EBF2: variants seen among roughly 807,000 people sequenced by gnomAD.
EBF2 encodes the protein EBF transcription factor 2.
Under a neutral mutation model 72.8 loss-of-function variants are expected in EBF2, and 21 were observed. The ratio of observed to expected loss-of-function variants is 0.29; its 90% CI spans 0.20 to 0.42. The LOEUF (loss-of-function observed/expected upper bound fraction) is 0.42, where lower values mean the gene tolerates loss of function less well. Ranked by LOEUF, EBF2 falls within the 10% of genes least tolerant of loss-of-function variation. EBF2 has a pLI of 1.00. For synonymous variants in EBF2, 299 were observed against 274.2 expected (o/e 1.09, Z -0.89); for missense variants, 637 against 731.2 (o/e 0.87, Z 1.49).
Position 26,044,995 on chromosome 8 carries a change from T to TAA in EBF2, c.-137_-136insTT. 1.1e-6 allele frequency: 1 copy of TAA among 906,000 alleles called. No homozygotes were observed. The highest frequency in any genetic ancestry group is 1.6e-6 in the Non-Finnish European group (1 of 622,812). The allele number at this position is 906,000 out of a possible 1,614,324, so 56.1% of individuals were successfully genotyped here. A position where few individuals can be genotyped will look rare whatever the true frequency, so the allele number is the denominator to read the frequency against. ...GGATCAAGTGCCCAAGTTTGAGTCT[T>TAA]AGAAAAAAAAAAAAGATAACCCGTC... On this transcript the variant is annotated 5_prime_UTR_variant, in exon 1 of 16. Transcript: ENST00000520164. The surrounding 1 kb of genome is among the most constrained non-coding windows in gnomAD (Gnocchi z 4.1).
At chr8:25,939,607 T>C (rs1401786869) in intron 6 of EBF2, among the ~76,000 whole-genome samples, 2 of 152,264 alleles carry the variant, frequency 1.3e-5, no homozygotes, top group African/African-American at 2.4e-5. Flanking sequence ...GTTCAGAGAC[T>C]ATTTCTGTGT....
rs141311815 is a variant in EBF2 at position 25,994,860 on chromosome 8, A to G, written c.551+38225T>C. 9.5e-4 allele frequency among the ~76,000 whole-genome samples: 144 copies of G among 152,322 alleles called. 1 individual carries two copies. The highest frequency in any genetic ancestry group is 3.3e-3 in the African/African-American group (137 of 41,572). On this transcript the variant is annotated intron_variant, in intron 6 of 15. Coordinates refer to ENST00000520164, the MANE Select transcript of EBF2 (RefSeq NM_022659.4). ...ACCTGGATGACAGAATAATTTATACACCAAACCCCAGCAATATGCAATTTA... is the reference window on the plus strand; with the variant it reads ...ACCTGGATGACAGAATAATTTATACGCCAAACCCCAGCAATATGCAATTTA...
At chr8:26,022,810 G>T (rs1445044520) in intron 6 of EBF2, among the ~76,000 whole-genome samples, 1 of 152,178 alleles carries the variant, frequency 6.6e-6, no homozygotes, top group African/African-American at 2.4e-5. Context: ...AGTCTAGACT[G>T]ATGAAATGCT....
intron 6 of EBF2, among the ~76,000 whole-genome samples, chr8:26,016,183 C>T (rs538509762): frequency 9.9e-5 from 15 of 152,176 alleles, no homozygotes; most frequent in Middle Eastern, 3.2e-3. Flanking sequence ...TGATTTTTCT[C>T]ACTCCACTTC....
At chr8:25,988,052 C>T (rs557985635) in intron 6 of EBF2, among the ~76,000 whole-genome samples, 1 of 152,224 alleles carries the variant, frequency 6.6e-6, no homozygotes, top group Admixed American at 6.5e-5. Flanking sequence ...GACCTAATTC[C>T]TCAGGATTGC....
At chr8:25,856,560 G>A (rs1305041173) in intron 14 of EBF2, among the ~76,000 whole-genome samples, 8 of 152,196 alleles carry the variant, frequency 5.3e-5, no homozygotes, top group Non-Finnish European at 1.2e-4. Context: ...GACTCTAGAT[G>A]TCAACATGCT....
intron 6 of EBF2, among the ~76,000 whole-genome samples, chr8:25,980,918 C>T (rs1804352303): frequency 2.0e-5 from 3 of 149,334 alleles, no homozygotes; most frequent in Admixed American, 6.7e-5. Flanking sequence ...CCCTTCACCC[C>T]TGGAGTAACT....
chr8:25,852,118 A>AAAAG (rs1253140042), intron 14 of EBF2, among the ~76,000 whole-genome samples: 2 of 152,190 alleles, frequency 1.3e-5, no homozygotes, highest in East Asian at 1.9e-4. Flanking sequence ...TATATGGATA[A>AAAAG]AAAGAAAAAA....
intron 10 of EBF2, among the ~76,000 whole-genome samples, chr8:25,881,506 T>C (rs772331735): frequency 2.6e-5 from 4 of 152,058 alleles, no homozygotes; most frequent in Non-Finnish European, 5.9e-5. Context: ...TTTAAGTCAG[T>C]CTCCATACTG....
At chr8:25,996,106 G>T (rs530739345) in intron 6 of EBF2, among the ~76,000 whole-genome samples, 1 of 152,158 alleles carries the variant, frequency 6.6e-6, no homozygotes, top group African/African-American at 2.4e-5. Flanking sequence ...TTCGAGACCA[G>T]TTTGGGCAAC....
chr8:25,933,087 C>T (rs772898589), intron 6 of EBF2, among the ~76,000 whole-genome samples: 1 of 152,166 alleles, frequency 6.6e-6, no homozygotes, highest in Non-Finnish European at 1.5e-5. Context: ...TTTGTTTTCT[C>T]CCCCTTCCAA....
chr8:25,946,581 A>C (rs541314995), intron 6 of EBF2, among the ~76,000 whole-genome samples: 4 of 152,164 alleles, frequency 2.6e-5, no homozygotes, highest in Non-Finnish European at 5.9e-5. Context: ...CCATTACCCA[A>C]ACCAGCTCCT....
At chr8:26,040,911 G>A (rs766951777) in intron 3 of EBF2, 28 bp downstream of exon 3, 12 of 1,613,804 alleles carry the variant, frequency 7.4e-6, no homozygotes, top group African/African-American at 1.3e-5. Flanking sequence ...GCTAGGCGCC[G>A]GCTCACCGTT....
At chr8:26,038,341 T>A (rs1439517354) in intron 5 of EBF2, among the ~76,000 whole-genome samples, 9 of 152,226 alleles carry the variant, frequency 5.9e-5, no homozygotes, top group Admixed American at 5.9e-4. Context: ...TATATTGTGT[T>A]ACTAATGCAG....
chr8:25,881,389 C>T (rs1802603508), intron 10 of EBF2, among the ~76,000 whole-genome samples: 1 of 152,204 alleles, frequency 6.6e-6, no homozygotes, highest in Non-Finnish European at 1.5e-5. Flanking sequence ...TTTGTCTATT[C>T]TAAATCCTCC....
intron 6 of EBF2, among the ~76,000 whole-genome samples, chr8:25,972,449 C>T (rs1300528608): frequency 6.6e-6 from 1 of 152,018 alleles, no homozygotes; most frequent in Non-Finnish European, 1.5e-5. Flanking sequence ...ATGACCCTCC[C>T]CTGTCATCAG....
chr8:25,982,182 C>T (rs1332781235), intron 6 of EBF2, among the ~76,000 whole-genome samples: 1 of 152,204 alleles, frequency 6.6e-6, no homozygotes, highest in African/African-American at 2.4e-5. Context: ...GCTTCAAAAA[C>T]AGTTGAAGTT....
At chr8:25,945,653 G>A (rs1803757276) in intron 6 of EBF2, among the ~76,000 whole-genome samples, 1 of 151,410 alleles carries the variant, frequency 6.6e-6, no homozygotes, top group Non-Finnish European at 1.5e-5. Context: ...AGAGCCTGTG[G>A]AATTTGTTTC....
intron 6 of EBF2, among the ~76,000 whole-genome samples, chr8:26,004,462 G>A (rs13254210): frequency 0.65 from 98,335 of 151,746 alleles, 32,365 homozygotes; most frequent in African/African-American, 0.75. Flanking sequence ...ATTACATGAG[G>A]TCAGGAGTTC....
Sources: allele counts gnomAD v4.1 joint callset (sites outside exome capture counted in the v4.1 genomes callset), GRCh38; gene constraint gnomAD v4.1.1; non-coding constraint Gnocchi (gnomAD v3.1); transcripts MANE v1.5; gene names NCBI Gene and HGNC (gene_info 2026-07-23, HGNC 2026-07-21).